Variants in ARHGEF28 observed in about 807,000 individuals in gnomAD.
ARHGEF28 encodes the protein Rho guanine nucleotide exchange factor 28, also known as 190 kDa guanine nucleotide exchange factor.
A neutral mutation model predicts 206.6 loss-of-function variants in ARHGEF28; 152 were observed. The ratio of observed to expected loss-of-function variants is 0.74; its 90% CI spans 0.64 to 0.84. The LOEUF (loss-of-function observed/expected upper bound fraction) is 0.84, where lower values mean the gene tolerates loss of function less well. Ranked by LOEUF, ARHGEF28 falls within the 40% of genes least tolerant of loss-of-function variation. The probability of loss-of-function intolerance (pLI) is 0.00; values close to 1 mark genes in which losing one functional copy is unlikely to be tolerated. For synonymous variants in ARHGEF28, 763 were observed against 776.4 expected (o/e 0.98, Z 0.29); for missense variants, 2,028 against 2,073.2 (o/e 0.98, Z 0.42).
chr5:73,744,837 G>T (rs559720310), intron 2 of ARHGEF28, among the ~76,000 whole-genome samples: 1 of 151,902 alleles, frequency 6.6e-6, no homozygotes, highest in South Asian at 2.1e-4. Context: ...TCCCATTTTT[G>T]CCTGTTACTA....
intron 30 of ARHGEF28, chr5:73,900,485 C>A (rs1275380125): frequency 2.6e-5 from 4 of 152,132 alleles, no homozygotes; most frequent in Non-Finnish European, 5.9e-5. Context: ...GTATTTGGTA[C>A]TTAAAAATAT....
At chr5:73,675,454 C>T (rs1265242602) in intron 1 of ARHGEF28, among the ~76,000 whole-genome samples, 7 of 152,090 alleles carry the variant, frequency 4.6e-5, no homozygotes, top group Admixed American at 2.6e-4. Flanking sequence ...AATAAGCAGC[C>T]GGGTGTGGTG....
chr5:73,827,199 G>T (rs1174240867), intron 9 of ARHGEF28, among the ~76,000 whole-genome samples: 6 of 152,106 alleles, frequency 3.9e-5, no homozygotes, highest in African/African-American at 1.4e-4. Flanking sequence ...GTCCAGGATA[G>T]ATTTTTCAAA....
intron 35 of ARHGEF28, among the ~76,000 whole-genome samples, chr5:73,938,327 T>C (rs911793258): frequency 6.6e-6 from 1 of 152,202 alleles, no homozygotes; most frequent in Non-Finnish European, 1.5e-5. Flanking sequence ...AGTCTTCTCT[T>C]GAAGCCATTA....
chr5:73,909,998 G>T lies in ARHGEF28; in HGVS notation c.4647+101G>T, dbSNP rs1027017991. The T allele has an allele frequency of 2.4e-5, 34 of 1,393,888 alleles. No homozygotes were observed. In the Admixed American group the frequency reaches 3.2e-4, roughly 13 times the overall value. The allele number at this position is 1,393,888 out of a possible 1,614,324, so 86.3% of individuals were successfully genotyped here. On this transcript the variant is annotated intron_variant, in intron 34 of 35. Coordinates refer to ENST00000513042, the MANE Select transcript of ARHGEF28 (RefSeq NM_001177693.2). ...CAAACATCTGTCATTTTGGATTTGT[G>T]TAAGAAGACCTCATGAGGATTTTTC...
intron 1 of ARHGEF28, among the ~76,000 whole-genome samples, chr5:73,674,161 ACT>A (rs1259740171): frequency 2.0e-5 from 3 of 152,018 alleles, no homozygotes; most frequent in Non-Finnish European, 2.9e-5. Flanking sequence ...ACAGAGTGAG[ACT>A]CTGTTTCAAA....
intron 7 of ARHGEF28, among the ~76,000 whole-genome samples, chr5:73,783,973 A>G (rs1403537750): frequency 1.3e-5 from 2 of 152,160 alleles, no homozygotes; most frequent in African/African-American, 2.4e-5. Flanking sequence ...GTATTTGTCT[A>G]CCCTTGAAAG....
At chr5:73,841,712 G>GAAAAAAAAAAAAAAAAAAAGA (rs33935657) in intron 11 of ARHGEF28, among the ~76,000 whole-genome samples, 1 of 110,830 alleles carries the variant, frequency 9.0e-6, no homozygotes, top group Non-Finnish European at 1.8e-5. Context: ...TCAAAAAGAA[G>GAAAAAAAAAAAAAAAAAAAGA]AAAAAAAAAA....
Position 73,794,464 on chromosome 5 carries a change from G to C in ARHGEF28, c.963+10G>C. ...AAAGGAAGATATAAAGGTAATGAAT[G>C]ACTCCCTGCTTCTTTCTTTGCACGT... On this transcript the variant is annotated intron_variant, in intron 8 of 35. Coordinates refer to ENST00000513042, the MANE Select transcript of ARHGEF28 (RefSeq NM_001177693.2). 6.3e-7 allele frequency: 1 copy of C among 1,585,506 alleles called. No individual in the cohort carries two copies. Among genetic ancestry groups the C allele is most frequent in the Non-Finnish European group, 8.6e-7 (1 of 1,161,072 alleles).
intron 4 of ARHGEF28, among the ~76,000 whole-genome samples, chr5:73,762,087 C>A (rs1384657108): frequency 1.3e-5 from 2 of 151,634 alleles, no homozygotes; most frequent in Non-Finnish European, 2.9e-5. Flanking sequence ...CCTACCTCAG[C>A]CTCTGAGTAG....
intron 1 of ARHGEF28, among the ~76,000 whole-genome samples, chr5:73,680,937 A>C (rs1364848611): frequency 6.6e-6 from 1 of 152,082 alleles, no homozygotes; most frequent in Admixed American, 6.5e-5. Context: ...TCCTGGGCTC[A>C]AGCGATCCAC....
intron 30 of ARHGEF28, chr5:73,900,377 A>T (rs1762193969): frequency 6.6e-6 from 1 of 152,242 alleles, no homozygotes; most frequent in Non-Finnish European, 1.5e-5. Context: ...TCTAGTTTTA[A>T]TCAGTGCAAG....
chr5:73,840,653 A>C lies in ARHGEF28; in HGVS notation c.1320A>C (p.Glu440Asp). The C allele has an allele frequency of 1.2e-6, 2 of 1,613,844 alleles. No individual in the cohort carries two copies. Among genetic ancestry groups the C allele is most frequent in the Non-Finnish European group, 1.7e-6 (2 of 1,179,800 alleles). Residue 440 changes from glutamate (E) to aspartate (D), a missense_variant, in exon 11 of 36, where the codon GAA (glutamate) becomes GAC (aspartate). This residue lies in a region of ARHGEF28 where 1,002 missense variants were observed against 1,015.3 expected (regional missense o/e 0.99). Transcript: ENST00000513042. ...SENVEGTAHT[E>D]AQQSFMSPSS... ...ATGTCGAAGGGACAGCACACACTGA[A>C]GCCCAGCAGTCCTTCATGTCACCAT... is the stretch of plus-strand genomic sequence containing the variant.
At chr5:73,633,550 C>T (rs1239535841) in intron 1 of ARHGEF28, among the ~76,000 whole-genome samples, 1 of 151,328 alleles carries the variant, frequency 6.6e-6, no homozygotes, top group Non-Finnish European at 1.5e-5. Context: ...AGAATAACTC[C>T]TCAATAAACA....
At position 73,911,745 on chromosome 5, in the gene ARHGEF28, C is replaced by G. The variant is rs1762920450; in HGVS notation, c.4948+170C>G. Reference sequence around the variant, plus strand: ...TTTCTTTGGGGAAGTCTGGGGACAGCCTTTGCTTGTAAGTTACCTAGACAA... The same window carrying G: ...TTTCTTTGGGGAAGTCTGGGGACAGGCTTTGCTTGTAAGTTACCTAGACAA... On this transcript the variant is annotated intron_variant, in intron 35 of 35. Transcript: ENST00000513042. 4 of 710,290 alleles carry G rather than the reference C, an allele frequency of 5.6e-6. No individual in the cohort carries two copies. In the South Asian group the frequency reaches 6.0e-5, roughly 11 times the overall value. 44.0% of individuals were successfully genotyped at this position (710,290 alleles called of 1,614,324 possible).
intron 35 of ARHGEF28, among the ~76,000 whole-genome samples, chr5:73,932,846 T>C (rs1461725498): frequency 7.1e-6 from 1 of 141,748 alleles, no homozygotes; most frequent in East Asian, 2.1e-4. Flanking sequence ...TTTCGCTCTG[T>C]CGCCCAGGCT....
In ARHGEF28 at chr5:73,832,792, A is replaced by T. The variant is rs369888803; in HGVS notation, c.1146+333A>T. ...TCTCCTCTACAGCTTTTCAAAAAAC[A>T]GTATGTATATGACCTGATTATGCAA... On this transcript the variant is annotated intron_variant, in intron 10 of 35. Coordinates refer to ENST00000513042, the MANE Select transcript of ARHGEF28 (RefSeq NM_001177693.2). Among the ~76,000 whole-genome samples the T allele has an allele frequency of 3.3e-4, 51 of 152,344 alleles. No homozygotes were observed. In the East Asian group the frequency reaches 9.2e-3, roughly 28 times the overall value.
chr5:73,850,406 T>C (rs1029340145), intron 13 of ARHGEF28, among the ~76,000 whole-genome samples: 1 of 152,040 alleles, frequency 6.6e-6, no homozygotes, highest in Non-Finnish European at 1.5e-5. Flanking sequence ...ATAAGATGGA[T>C]TGAATTTGTT....
At chr5:73,785,073 T>TA (rs998071862) in intron 7 of ARHGEF28, among the ~76,000 whole-genome samples, 3 of 152,138 alleles carry the variant, frequency 2.0e-5, no homozygotes, top group Non-Finnish European at 4.4e-5. Context: ...GTCTGCAATT[T>TA]AAAAAAATGT....
Sources: allele counts gnomAD v4.1 joint callset (sites outside exome capture counted in the v4.1 genomes callset), GRCh38; gene constraint gnomAD v4.1.1; regional missense constraint gnomAD v4.1.1; transcripts MANE v1.5; gene names NCBI Gene and HGNC (gene_info 2026-07-23, HGNC 2026-07-21).